The following WWOX variants were observed in gnomAD, a reference collection of about 807,000 sequenced individuals.
WWOX encodes WW domain containing oxidoreductase, also known as WW domain-containing oxidoreductase.
WWOX carries 69 observed loss-of-function variants against 46.2 expected under a neutral mutation model. That is an observed-to-expected ratio of 1.49 (90% confidence interval 1.23 to 1.82). The LOEUF is 1.82. Ranked by LOEUF, WWOX falls within the 40% of genes most tolerant of loss-of-function variation. The probability of loss-of-function intolerance (pLI) is 0.00; values close to 1 mark genes in which losing one functional copy is unlikely to be tolerated. For synonymous variants in WWOX, 359 were observed against 202.6 expected (o/e 1.77, Z -6.56); for missense variants, 919 against 542.6 (o/e 1.69, Z -6.89).
chr16:78,507,904 A>G (rs1320354034), intron 8 of WWOX, among the ~76,000 whole-genome samples: 1 of 151,968 alleles, frequency 6.6e-6, no homozygotes, highest in Non-Finnish European at 1.5e-5. Flanking sequence ...ATGTGGCCCC[A>G]TACGTATTTG....
At chr16:78,590,865 G>A (rs377660475) in intron 8 of WWOX, among the ~76,000 whole-genome samples, 20 of 152,148 alleles carry the variant, frequency 1.3e-4, no homozygotes, top group African/African-American at 4.8e-4. Flanking sequence ...TAAGAGCTCA[G>A]ACTCCAGCGT....
At chr16:78,469,539 G>T (rs1455034115) in intron 8 of WWOX, among the ~76,000 whole-genome samples, 1 of 152,198 alleles carries the variant, frequency 6.6e-6, no homozygotes, top group Non-Finnish European at 1.5e-5. Context: ...TTCCCTGGAA[G>T]CATGTCATGG....
chr16:78,436,958 C>T (rs1279309725), intron 8 of WWOX, among the ~76,000 whole-genome samples: 1 of 152,196 alleles, frequency 6.6e-6, no homozygotes, highest in Non-Finnish European at 1.5e-5. Context: ...TAGGTAAAGG[C>T]TGGGTTTCTA....
intron 8 of WWOX, among the ~76,000 whole-genome samples, chr16:78,609,780 C>T (rs1004077278): frequency 5.9e-5 from 9 of 152,296 alleles, no homozygotes; most frequent in African/African-American, 1.9e-4. Flanking sequence ...GGAAGCTATA[C>T]CATGCAAATG....
chr16:78,108,575 T>A, intron 2 of WWOX, 88 bp downstream of exon 2: 3 of 1,475,964 alleles, frequency 2.0e-6, no homozygotes, highest in South Asian at 2.3e-5. Flanking sequence ...GGTTATTGTG[T>A]GTTTAGGGAG....
intron 5 of WWOX, among the ~76,000 whole-genome samples, chr16:78,260,436 G>A (rs572672925): frequency 4.0e-5 from 6 of 151,450 alleles, no homozygotes; most frequent in South Asian, 2.1e-4. Flanking sequence ...AGGCCAAGGC[G>A]GGCAGATCAC....
chr16:78,101,620 C>G (rs1047537718), intron 1 of WWOX, among the ~76,000 whole-genome samples: 1 of 152,110 alleles, frequency 6.6e-6, no homozygotes, highest in Non-Finnish European at 1.5e-5. Context: ...TGCGTCAGCC[C>G]AGAATTTCTG....
intron 8 of WWOX, among the ~76,000 whole-genome samples, chr16:78,542,451 G>C (rs1045782004): frequency 1.3e-5 from 2 of 152,256 alleles, no homozygotes; most frequent in African/African-American, 4.8e-5. Flanking sequence ...TTTGAATTTG[G>C]TCCCAGATTT....
In WWOX at chr16:78,508,296, C is replaced by T. The variant is rs531109444; in HGVS notation, c.1056+75544C>T. 3.5e-5 allele frequency among the ~76,000 whole-genome samples: 5 copies of T among 144,776 alleles called. No homozygotes were observed. The East Asian group carries it at 1.0e-3, about 29-fold the overall frequency. 95.0% of individuals were successfully genotyped at this position (144,776 alleles called of 152,430 possible). ...AAAGTGCTGGGATTATAGGCGTGAG[C>T]CACTGCGCCCGGCCTTTTTTTTTTT... On this transcript the variant is annotated intron_variant, in intron 8 of 8. Coordinates refer to ENST00000566780, the MANE Select transcript of WWOX (RefSeq NM_016373.4).
intron 8 of WWOX, among the ~76,000 whole-genome samples, chr16:78,666,146 G>C (rs1172193090): frequency 6.6e-6 from 1 of 152,100 alleles, no homozygotes; most frequent in African/African-American, 2.4e-5. Context: ...AATTAGCCGA[G>C]TGTGGTGGTG....
intron 4 of WWOX, among the ~76,000 whole-genome samples, chr16:78,135,684 G>GAA (rs142640446): frequency 3.5e-4 from 51 of 145,322 alleles, no homozygotes; most frequent in African/African-American, 1.3e-3. Flanking sequence ...CAGTATTACT[G>GAA]AAAAAAAAAC....
intron 8 of WWOX, among the ~76,000 whole-genome samples, chr16:78,774,373 T>A (rs538653805): frequency 6.6e-6 from 1 of 152,082 alleles, no homozygotes; most frequent in Non-Finnish European, 1.5e-5. Flanking sequence ...TGCACTCCAG[T>A]CTGGTGACAG....
chr16:78,396,302 C>T (rs918767989), intron 6 of WWOX, among the ~76,000 whole-genome samples: 5 of 150,838 alleles, frequency 3.3e-5, no homozygotes, highest in African/African-American at 2.4e-5. Context: ...TGACATTTGT[C>T]GGAAAAAAAA....
intron 8 of WWOX, among the ~76,000 whole-genome samples, chr16:78,527,733 T>C (rs2043511342): frequency 6.6e-6 from 1 of 152,172 alleles, no homozygotes; most frequent in African/African-American, 2.4e-5. Flanking sequence ...GAACAGGTTC[T>C]TGATCAGGAG....
At chr16:79,056,103 C>G (rs569062401) in intron 8 of WWOX, among the ~76,000 whole-genome samples, 1 of 151,920 alleles carries the variant, frequency 6.6e-6, no homozygotes. Flanking sequence ...AGGAAAACCA[C>G]TATCCCCATT....
intron 5 of WWOX, chr16:78,355,901 T>A (rs139090044): frequency 2.5e-6 from 1 of 394,520 alleles, no homozygotes; most frequent in Non-Finnish European, 4.9e-6. Context: ...ATGTGCAAGA[T>A]ATTCAAAAGA....
intron 8 of WWOX, among the ~76,000 whole-genome samples, chr16:79,020,209 C>G (rs1411274728): frequency 2.0e-5 from 3 of 152,216 alleles, no homozygotes; most frequent in African/African-American, 4.8e-5. Flanking sequence ...AATAAAGCAA[C>G]TTAACCCATT....
intron 8 of WWOX, among the ~76,000 whole-genome samples, chr16:78,992,933 C>G (rs1294616205): frequency 8.2e-6 from 1 of 122,356 alleles, no homozygotes. Context: ...TAATTTTTGC[C>G]TCCATTAGAG....
intron 6 of WWOX, among the ~76,000 whole-genome samples, chr16:78,420,740 G>T (rs74331387): frequency 0.013 from 2,024 of 150,420 alleles, 39 homozygotes; most frequent in East Asian, 0.063. Flanking sequence ...TAAAACAGCT[G>T]TACAGTATAC....
Sources: gnomAD v4.1 joint callset for allele counts (sites outside exome capture counted in the v4.1 genomes callset) on GRCh38, gnomAD v4.1.1 for gene constraint, MANE v1.5 for transcripts, NCBI Gene and HGNC (gene_info 2026-07-23, HGNC 2026-07-21) for gene names.